Variants in PDE1A observed in about 807,000 individuals in gnomAD.
The protein encoded by PDE1A is phosphodiesterase 1A.
PDE1A carries 35 observed loss-of-function variants against 61.7 expected under a neutral mutation model. The ratio of observed to expected loss-of-function variants is 0.57; its 90% CI spans 0.43 to 0.75. The LOEUF is 0.75. Among genes scored for constraint, PDE1A ranks in the 30% least tolerant of loss-of-function variants. The probability of loss-of-function intolerance (pLI) is 0.00; values close to 1 mark genes in which losing one functional copy is unlikely to be tolerated. For missense variants in PDE1A, 597 were observed against 630.6 expected (o/e 0.95, Z 0.57); for synonymous variants, 232 against 213.2 (o/e 1.09, Z -0.77).
At chr2:182,191,913 T>C (rs1248126067) in intron 10 of PDE1A, among the ~76,000 whole-genome samples, 1 of 151,846 alleles carries the variant, frequency 6.6e-6, no homozygotes, top group East Asian at 1.9e-4. Context: ...TGGAGTGCAA[T>C]GGCGCAATCT....
intron 1 of PDE1A, among the ~76,000 whole-genome samples, chr2:182,282,512 A>G (rs1451332952): frequency 2.6e-5 from 4 of 152,010 alleles, no homozygotes; most frequent in Non-Finnish European, 5.9e-5. Context: ...CAAAGCATAC[A>G]TTCTCACCAA....
At chr2:182,431,809 G>A (rs1703964975), upstream of PDE1A, among the ~76,000 whole-genome samples, 1 of 151,994 alleles carries the variant, frequency 6.6e-6, no homozygotes, top group Non-Finnish European at 1.5e-5. Context: ...TTTCTGGGCT[G>A]TATTTAACAT....
intron 2 of PDE1A, among the ~76,000 whole-genome samples, chr2:182,453,533 A>G (rs1348707784): frequency 6.6e-6 from 1 of 152,090 alleles, no homozygotes; most frequent in Non-Finnish European, 1.5e-5. Flanking sequence ...ATACTGGCAA[A>G]CCGAATCCAG....
At chr2:182,449,487 T>C (rs1685372000) in intron 2 of PDE1A, among the ~76,000 whole-genome samples, 1 of 152,036 alleles carries the variant, frequency 6.6e-6, no homozygotes, top group Non-Finnish European at 1.5e-5. Flanking sequence ...TCATTACCTC[T>C]TCCTATACTC....
intron 2 of PDE1A, among the ~76,000 whole-genome samples, chr2:182,433,433 A>G (rs1946815): frequency 0.28 from 43,023 of 151,960 alleles, 6,151 homozygotes; most frequent in Middle Eastern, 0.43. Context: ...TATCTCCTGC[A>G]TACCTTTCAT....
chr2:182,345,988 C>T lies in PDE1A; in HGVS notation c.53+80590G>A, dbSNP rs545972432. Among the ~76,000 whole-genome samples the T allele has an allele frequency of 3.2e-4, 48 of 152,196 alleles. 1 individual carries two copies. The highest frequency in any genetic ancestry group is 8.2e-4 in the African/African-American group (34 of 41,528). On this transcript the variant is annotated intron_variant, in intron 1 of 13. Transcript: ENST00000351439. ...TCTGATTAAGTCAAATGAAGTAACA[C>T]GAGAGTGAGGGTATCAGACACATAT...
the PDE1A span, among the ~76,000 whole-genome samples, chr2:182,687,161 T>C: frequency 1.3e-5 from 2 of 152,322 alleles, no homozygotes; most frequent in South Asian, 2.1e-4. Context: ...TAAATGTCCC[T>C]GTCTGACAGC....
chr2:182,256,542 G>A lies in PDE1A; in HGVS notation c.167+7759C>T, dbSNP rs752614468. ...TATCCAAAGGACTATAAATCATGCT[G>A]CTATAAAGACACATGCACACGTATG... On this transcript the variant is annotated intron_variant, in intron 2 of 13. Coordinates refer to ENST00000351439, the Ensembl canonical transcript of PDE1A. 3.6e-4 allele frequency among the ~76,000 whole-genome samples: 55 copies of A among 152,010 alleles called. No homozygotes were observed. The Middle Eastern group carries it at 0.017, about 47-fold the overall frequency.
At chr2:182,520,773 AT>A (rs1284560296) in intron 2 of PDE1A, among the ~76,000 whole-genome samples, 1 of 152,020 alleles carries the variant, frequency 6.6e-6, no homozygotes, top group African/African-American at 2.4e-5. Flanking sequence ...ATAGGTTGTA[AT>A]GAGAGACATA....
chr2:182,536,696 C>T, the PDE1A span, among the ~76,000 whole-genome samples: 1 of 152,156 alleles, frequency 6.6e-6, no homozygotes, highest in East Asian at 1.9e-4. Context: ...ACATTCCCCT[C>T]CTCCCTTGAA....
intron 1 of PDE1A, among the ~76,000 whole-genome samples, chr2:182,398,894 G>A (rs1442241257): frequency 6.6e-6 from 1 of 151,880 alleles, no homozygotes; most frequent in African/African-American, 2.4e-5. Context: ...TTTGTTACAT[G>A]GGTTTGAATT....
At chr2:182,616,369 G>C in the PDE1A span, among the ~76,000 whole-genome samples, 4 of 152,360 alleles carry the variant, frequency 2.6e-5, no homozygotes, top group East Asian at 7.7e-4. Context: ...GAGAGGCAAA[G>C]GCCAGAGTAA....
intron 8 of PDE1A, 122 bp from the exon 9 acceptor site, chr2:182,201,911 C>A: frequency 1.6e-6 from 1 of 638,292 alleles, no homozygotes; most frequent in East Asian, 2.7e-5. Flanking sequence ...ACAAAAGATG[C>A]TACTTTTTAA....
At chr2:182,328,197 C>T (rs12467240) in intron 1 of PDE1A, among the ~76,000 whole-genome samples, 55,810 of 152,050 alleles carry the variant, frequency 0.37, 12,282 homozygotes, top group Non-Finnish European at 0.48. Context: ...GTATTTAAGC[C>T]TGTAGCAGTA....
chr2:182,204,617 T>C (rs1215416849), intron 8 of PDE1A, among the ~76,000 whole-genome samples: 1 of 152,224 alleles, frequency 6.6e-6, no homozygotes, highest in African/African-American at 2.4e-5. Flanking sequence ...TTTTCTTCTC[T>C]CTAGTTACTT....
the PDE1A span, among the ~76,000 whole-genome samples, chr2:182,674,353 G>A: frequency 6.6e-6 from 1 of 151,716 alleles, no homozygotes; most frequent in Non-Finnish European, 1.5e-5. Flanking sequence ...AATGAAACAG[G>A]GTCCCAGCCT....
At chr2:182,482,587 G>A (rs1298598511) in intron 2 of PDE1A, among the ~76,000 whole-genome samples, 4 of 151,814 alleles carry the variant, frequency 2.6e-5, no homozygotes, top group African/African-American at 7.3e-5. Flanking sequence ...AATCAACCAC[G>A]GGCAAACAGC....
chr2:182,661,768 A>G, the PDE1A span, among the ~76,000 whole-genome samples: 1 of 152,210 alleles, frequency 6.6e-6, no homozygotes, highest in East Asian at 1.9e-4. Flanking sequence ...AAATAGCTGT[A>G]TAATATAATT....
the PDE1A span, among the ~76,000 whole-genome samples, chr2:182,611,205 A>G: frequency 6.6e-6 from 1 of 152,166 alleles, no homozygotes; most frequent in East Asian, 1.9e-4. Context: ...AATTCCATGC[A>G]CTGCCATTTG....
Sources: gnomAD v4.1 joint callset for allele counts (sites outside exome capture counted in the v4.1 genomes callset) on GRCh38, gnomAD v4.1.1 for gene constraint, MANE v1.5 for transcripts, NCBI Gene and HGNC (gene_info 2026-07-23, HGNC 2026-07-21) for gene names.